Variants in FBP1 observed in about 807,000 individuals in gnomAD.
FBP1 encodes fructose-bisphosphatase 1, also known as fructose-1,6-bisphosphatase 1.
Under a neutral mutation model 29.9 loss-of-function variants are expected in FBP1, and 22 were observed. The ratio of observed to expected loss-of-function variants is 0.74; its 90% CI spans 0.53 to 1.05. The LOEUF is 1.05. Ranked by LOEUF, FBP1 falls within the 50% of genes least tolerant of loss-of-function variation. FBP1 has a pLI of 0.00. For synonymous variants in FBP1, 175 were observed against 178.6 expected (o/e 0.98, Z 0.16); for missense variants, 345 against 448.2 (o/e 0.77, Z 2.08).
chr9:94,633,571 A>G (rs1828142514), intron 1 of FBP1, among the ~76,000 whole-genome samples: 1 of 152,184 alleles, frequency 6.6e-6, no homozygotes. Flanking sequence ...TTCCCACCTC[A>G]GGACTCCTCC....
At chr9:94,623,723 A>G (rs1325021129) in intron 1 of FBP1, among the ~76,000 whole-genome samples, 1 of 152,222 alleles carries the variant, frequency 6.6e-6, no homozygotes, top group Non-Finnish European at 1.5e-5. Context: ...CTGAGTGCTC[A>G]TTTATTCTAC....
chr9:94,608,134 A>T (rs1294123606), intron 4 of FBP1, among the ~76,000 whole-genome samples: 1 of 152,244 alleles, frequency 6.6e-6, no homozygotes, highest in East Asian at 1.9e-4. Flanking sequence ...GTCTGTGTAC[A>T]GAGACAAAAC....
chr9:94,617,756 A>G lies in FBP1; in HGVS notation c.426+12T>C, dbSNP rs1276553324. 6.4e-7 allele frequency: 1 copy of G among 1,571,008 alleles called. No individual in the cohort carries two copies. Among genetic ancestry groups the G allele is most frequent in the Admixed American group, 1.7e-5 (1 of 59,970 alleles). Reference sequence around the variant, plus strand: ...TGTCCCCAAACCAAGTGCTTAAGATATCACGTTTTACCTTTCTATAGATGC... The same window carrying G: ...TGTCCCCAAACCAAGTGCTTAAGATGTCACGTTTTACCTTTCTATAGATGC... On this transcript the variant is annotated intron_variant, in intron 3 of 6. Coordinates refer to ENST00000375326, the MANE Select transcript of FBP1 (RefSeq NM_000507.4).
chr9:94,638,396 C>T (rs1010139969), intron 1 of FBP1, among the ~76,000 whole-genome samples: 11 of 152,208 alleles, frequency 7.2e-5, no homozygotes, highest in African/African-American at 2.4e-4. Context: ...CACTCCATAG[C>T]GCATTCAGAA....
chr9:94,610,522 A>G (rs1334973859), intron 3 of FBP1, among the ~76,000 whole-genome samples: 1 of 152,256 alleles, frequency 6.6e-6, no homozygotes, highest in Non-Finnish European at 1.5e-5. Flanking sequence ...TCTGCTGAGC[A>G]TGTGGTCTAT....
At chr9:94,621,604 A>G (rs996005382) in intron 1 of FBP1, among the ~76,000 whole-genome samples, 3 of 151,990 alleles carry the variant, frequency 2.0e-5, no homozygotes, top group Non-Finnish European at 4.4e-5. Context: ...TTTTTAGAAC[A>G]TTTTTTCCTC....
At chr9:94,620,822 T>C (rs1183580216) in intron 1 of FBP1, among the ~76,000 whole-genome samples, 2 of 152,094 alleles carry the variant, frequency 1.3e-5, no homozygotes, top group Admixed American at 6.5e-5. Flanking sequence ...AGATGACAGA[T>C]TGATGGGTGC....
Position 94,634,304 on chromosome 9 carries a change from A to AAG in FBP1, c.170+4836_170+4837insCT, listed in dbSNP as rs1554682382. On this transcript the variant is annotated intron_variant, in intron 1 of 6. Coordinates refer to ENST00000375326, the MANE Select transcript of FBP1 (RefSeq NM_000507.4). ...GCGAGACTCTGCCTCAAAAAAAAAA[A>AAG]AAAGAAAGAAAAAGAAAGCATCTTT... Among the ~76,000 whole-genome samples, 24 of 151,154 alleles carry AAG rather than the reference A, an allele frequency of 1.6e-4. 1 individual carries two copies. The highest frequency in any genetic ancestry group is 3.6e-4 in the African/African-American group (15 of 41,142).
At chr9:94,637,375 A>G (rs1246747520) in intron 1 of FBP1, among the ~76,000 whole-genome samples, 3 of 150,498 alleles carry the variant, frequency 2.0e-5, no homozygotes, top group Non-Finnish European at 2.9e-5. Flanking sequence ...GTATTTGTTC[A>G]GGTCAGCTCT....
At chr9:94,620,244 C>T in intron 2 of FBP1, 85 bp downstream of exon 2, 2 of 1,447,664 alleles carry the variant, frequency 1.4e-6, no homozygotes. Context: ...AGAAACCCAG[C>T]TCAGCTGAAC....
At chr9:94,624,928 C>G (rs1424991711) in intron 1 of FBP1, among the ~76,000 whole-genome samples, 2 of 151,982 alleles carry the variant, frequency 1.3e-5, no homozygotes, top group East Asian at 3.9e-4. Flanking sequence ...GGGAGAAAGT[C>G]CTTGTAAGGA....
intron 6 of FBP1, 56 bp from the exon 7 acceptor site, chr9:94,603,628 A>G: frequency 6.5e-7 from 1 of 1,529,392 alleles, no homozygotes; most frequent in African/African-American, 1.4e-5. Flanking sequence ...TGCGTAAAAA[A>G]GAGACTTTTC....
chr9:94,637,399 CTT>C (rs202217364), intron 1 of FBP1, among the ~76,000 whole-genome samples: 31 of 142,786 alleles, frequency 2.2e-4, no homozygotes, highest in Admixed American at 3.5e-4. Context: ...CATCATGCGT[CTT>C]TTTTTTTTTT....
intron 6 of FBP1, chr9:94,603,931 G>A: frequency 2.8e-6 from 1 of 353,276 alleles, no homozygotes; most frequent in South Asian, 2.3e-5. Flanking sequence ...GTGTGTGTTG[G>A]ATGGAGCTTC....
intron 3 of FBP1, among the ~76,000 whole-genome samples, chr9:94,616,132 G>A (rs547085275): frequency 3.9e-5 from 6 of 151,910 alleles, no homozygotes; most frequent in East Asian, 1.9e-4. Context: ...TAGGCCAAGG[G>A]TCTCAGTTCT....
intron 1 of FBP1, among the ~76,000 whole-genome samples, chr9:94,621,517 G>A (rs1827950948): frequency 1.3e-5 from 2 of 152,132 alleles, no homozygotes; most frequent in Non-Finnish European, 1.5e-5. Context: ...CCTCGAACCT[G>A]TCATGGTGCC....
At chr9:94,627,607 G>C (rs1432764949) in intron 1 of FBP1, among the ~76,000 whole-genome samples, 1 of 152,216 alleles carries the variant, frequency 6.6e-6, no homozygotes, top group Non-Finnish European at 1.5e-5. Context: ...GGAGAGCCCA[G>C]TGGATCCAGA....
intron 5 of FBP1, among the ~76,000 whole-genome samples, chr9:94,605,820 G>C (rs1355796492): frequency 2.0e-5 from 3 of 152,168 alleles, no homozygotes. Context: ...ACGAGGGTAT[G>C]GTTGATTCTG....
At chr9:94,613,612 AC>A (rs1222839818) in intron 3 of FBP1, among the ~76,000 whole-genome samples, 1 of 152,064 alleles carries the variant, frequency 6.6e-6, no homozygotes, top group Non-Finnish European at 1.5e-5. Context: ...TACAGACAAT[AC>A]AAAAATTAGC....
Sources: allele counts gnomAD v4.1 joint callset (sites outside exome capture counted in the v4.1 genomes callset), GRCh38; gene constraint gnomAD v4.1.1; transcripts MANE v1.5; gene names NCBI Gene and HGNC (gene_info 2026-07-23, HGNC 2026-07-21).